The following CRIM1 variants were observed in gnomAD, a reference collection of about 807,000 sequenced individuals.
CRIM1 encodes cysteine rich transmembrane BMP regulator 1.
CRIM1 carries 32 observed loss-of-function variants against 116.4 expected under a neutral mutation model. The observed-to-expected ratio is 0.27, with a 90% CI of 0.21 to 0.37. The LOEUF is 0.37. CRIM1 is among the 10% of genes least tolerant of loss of function. The probability of loss-of-function intolerance (pLI) is 1.00; values close to 1 mark genes in which losing one functional copy is unlikely to be tolerated. For synonymous variants in CRIM1, 590 were observed against 509.2 expected (o/e 1.16, Z -2.13); for missense variants, 1,331 against 1,354.8 (o/e 0.98, Z 0.28).
intron 2 of CRIM1, among the ~76,000 whole-genome samples, chr2:36,413,047 C>T (rs1246382190): frequency 2.0e-5 from 3 of 152,160 alleles, no homozygotes; most frequent in African/African-American, 7.2e-5. Flanking sequence ...AATGGGCTTA[C>T]GAATGACTTT....
At position 36,442,670 on chromosome 2, in the gene CRIM1, T is replaced by C. The variant is rs1183234511; in HGVS notation, c.804T>C (p.Cys268=). ...VECPPVQQTA[C]PPDSYETQVR... ...GCCCTCCTGTTCAGCAGACCGCGTG[T>C]CCCCCGGACAGCTATGAAACTCAAG... The change falls in exon 4 of 17, where the codon TGT becomes TGC. Residue 268 remains cysteine, a synonymous_variant. Transcript: ENST00000280527. 1 of 1,614,078 alleles carries C rather than the reference T, an allele frequency of 6.2e-7. No homozygotes were observed. Among genetic ancestry groups the C allele is most frequent in the Non-Finnish European group, 8.5e-7 (1 of 1,179,972 alleles).
chr2:36,401,096 T>C (rs1203165576), intron 2 of CRIM1, among the ~76,000 whole-genome samples: 1 of 152,180 alleles, frequency 6.6e-6, no homozygotes, highest in African/African-American at 2.4e-5. Flanking sequence ...TAACATTTTT[T>C]AAAACGTGTG....
chr2:36,462,360 A>G (rs988433152), intron 4 of CRIM1, among the ~76,000 whole-genome samples: 7 of 152,228 alleles, frequency 4.6e-5, no homozygotes, highest in African/African-American at 1.7e-4. Flanking sequence ...TGTATTTTTT[A>G]AATTGTAAAT....
At chr2:36,405,447 G>T (rs1672712697) in intron 2 of CRIM1, among the ~76,000 whole-genome samples, 2 of 152,286 alleles carry the variant, frequency 1.3e-5, no homozygotes, top group South Asian at 4.1e-4. Flanking sequence ...TGGGGAGCCT[G>T]GGTATCATGC....
intron 14 of CRIM1, among the ~76,000 whole-genome samples, chr2:36,538,558 G>C (rs1406098508): frequency 2.0e-5 from 3 of 152,192 alleles, no homozygotes; most frequent in Admixed American, 2.0e-4. Context: ...TTGTAAGATA[G>C]GGCAGTTGTT....
intron 5 of CRIM1, among the ~76,000 whole-genome samples, chr2:36,465,454 A>T (rs1164512977): frequency 6.6e-6 from 1 of 152,266 alleles, no homozygotes; most frequent in Admixed American, 6.5e-5. Flanking sequence ...AGGAAGATGG[A>T]GATGGATTTG....
intron 4 of CRIM1, among the ~76,000 whole-genome samples, chr2:36,457,528 G>C (rs1677234090): frequency 6.6e-6 from 1 of 152,114 alleles, no homozygotes; most frequent in Non-Finnish European, 1.5e-5. Flanking sequence ...TCAGTGTTAG[G>C]GGGTGTAAAT....
chr2:36,519,361 A>G (rs957475275), intron 12 of CRIM1, among the ~76,000 whole-genome samples: 7 of 152,126 alleles, frequency 4.6e-5, no homozygotes, highest in South Asian at 4.2e-4. Flanking sequence ...AGAACAGGCA[A>G]CCCCTCATGT....
intron 1 of CRIM1, among the ~76,000 whole-genome samples, chr2:36,387,600 T>C (rs1227742529): frequency 6.6e-6 from 1 of 152,178 alleles, no homozygotes; most frequent in Admixed American, 6.5e-5. Context: ...TGCCACAAAG[T>C]GCAGCTAGGA....
chr2:36,456,300 C>T (rs561869154), intron 4 of CRIM1, among the ~76,000 whole-genome samples: 1 of 152,210 alleles, frequency 6.6e-6, no homozygotes, highest in Non-Finnish European at 1.5e-5. Context: ...CATGTACACA[C>T]TCGGTAAACA....
chr2:36,540,285 A>G (rs1666861486), intron 14 of CRIM1, among the ~76,000 whole-genome samples: 1 of 152,202 alleles, frequency 6.6e-6, no homozygotes, highest in African/African-American at 2.4e-5. Flanking sequence ...ATTTCAAGAA[A>G]GAATGGGAGA....
chr2:36,497,398 G>C (rs1397804383), intron 7 of CRIM1, among the ~76,000 whole-genome samples: 1 of 152,110 alleles, frequency 6.6e-6, no homozygotes, highest in Non-Finnish European at 1.5e-5. Flanking sequence ...GCAGTCTTGG[G>C]ACTGAAGACT....
chr2:36,487,429 C>T (rs1679904695), intron 7 of CRIM1, among the ~76,000 whole-genome samples: 1 of 151,950 alleles, frequency 6.6e-6, no homozygotes, highest in Admixed American at 6.6e-5. Context: ...TTTTTGGTGC[C>T]TCTCTTTTGA....
chr2:36,540,782 T>C (rs945759056), intron 14 of CRIM1, among the ~76,000 whole-genome samples: 2 of 152,156 alleles, frequency 1.3e-5, no homozygotes, highest in Non-Finnish European at 2.9e-5. Context: ...CCAGGACAGC[T>C]GTAACAGGCA....
At chr2:36,498,849 T>G (rs1680786588) in intron 7 of CRIM1, among the ~76,000 whole-genome samples, 1 of 152,212 alleles carries the variant, frequency 6.6e-6, no homozygotes, top group African/African-American at 2.4e-5. Context: ...ATCCTGATTA[T>G]TATAAAAAAT....
chr2:36,416,542 C>T (rs192113147), intron 2 of CRIM1, among the ~76,000 whole-genome samples: 87 of 152,294 alleles, frequency 5.7e-4, no homozygotes, highest in African/African-American at 1.0e-3. Context: ...TACAACACTG[C>T]GTTTGTCTTC....
In CRIM1 at chr2:36,439,101, C is replaced by G. The variant is rs200751370; in HGVS notation, c.506-2157C>G. Among the ~76,000 whole-genome samples the G allele has an allele frequency of 2.6e-5, 4 of 152,116 alleles. No homozygotes were observed. The East Asian group carries it at 7.7e-4, about 29-fold the overall frequency. On this transcript the variant is annotated intron_variant, in intron 2 of 16. Transcript: ENST00000280527. ...GTAGAGGCCTGCAAATGAATGTTTC[C>G]CCTGAGTGAGGCACAGGTGCCATGA...
chr2:36,485,283 T>C (rs1216330414), intron 7 of CRIM1, among the ~76,000 whole-genome samples: 3 of 152,214 alleles, frequency 2.0e-5, no homozygotes, highest in Non-Finnish European at 2.9e-5. Context: ...ATCCTGGTCC[T>C]ACTTGGGACA....
intron 4 of CRIM1, among the ~76,000 whole-genome samples, chr2:36,452,631 T>G (rs563047536): frequency 2.0e-5 from 3 of 152,326 alleles, no homozygotes; most frequent in African/African-American, 7.2e-5. Context: ...GTTTGATTTG[T>G]CAATAATTCT....
Sources: gnomAD v4.1 joint callset for allele counts (sites outside exome capture counted in the v4.1 genomes callset) on GRCh38, gnomAD v4.1.1 for gene constraint, MANE v1.5 for transcripts, NCBI Gene and HGNC (gene_info 2026-07-23, HGNC 2026-07-21) for gene names.